The following MTUS2 variants were observed in gnomAD, a reference collection of about 807,000 sequenced individuals.
MTUS2 encodes the protein microtubule associated scaffold protein 2.
MTUS2 carries 40 observed loss-of-function variants against 114.1 expected under a neutral mutation model. The observed-to-expected ratio is 0.35, with a 90% confidence interval of 0.27 to 0.46. MTUS2 has a LOEUF of 0.46. MTUS2 is among the 20% of genes least tolerant of loss of function. The pLI, the probability that MTUS2 is intolerant of heterozygous loss-of-function variation, is 1.00. For synonymous variants in MTUS2, 688 were observed against 672.0 expected (o/e 1.02, Z -0.37); for missense variants, 1,679 against 1,705.4 (o/e 0.98, Z 0.27).
chr13:29,490,326 G>A (rs534157817), intron 11 of MTUS2, among the ~76,000 whole-genome samples: 16 of 152,214 alleles, frequency 1.1e-4, no homozygotes, highest in African/African-American at 2.9e-4. Context: ...TGCAGCACAC[G>A]CCACCCAGAA....
intron 5 of MTUS2, among the ~76,000 whole-genome samples, chr13:29,211,762 C>T (rs1190637376): frequency 9.3e-4 from 141 of 151,814 alleles, no homozygotes; most frequent in African/African-American, 3.3e-3. Context: ...GCAGTCGTTC[C>T]CCTTTCACAC....
intron 2 of MTUS2, among the ~76,000 whole-genome samples, chr13:28,945,495 T>C (rs1050872055): frequency 2.0e-5 from 3 of 152,222 alleles, no homozygotes; most frequent in Admixed American, 1.3e-4. Context: ...CAACATCTTG[T>C]TATTTTTTGA....
Position 29,403,236 on chromosome 13 carries a change from C to T in MTUS2, c.3118-36747C>T, listed in dbSNP as rs371447604. ...TAAGAACTGGCCACTACTTTTGGGT[C>T]CCTGTTCCATTACCACTCCTCTTGT... On this transcript the variant is annotated intron_variant, in intron 8 of 15. Coordinates refer to ENST00000612955, the MANE Select transcript of MTUS2 (RefSeq NM_001033602.4). Among the ~76,000 whole-genome samples, 25 of 152,276 alleles carry T rather than the reference C, an allele frequency of 1.6e-4. No individual in the cohort carries two copies. In the East Asian group the frequency reaches 3.7e-3, roughly 22 times the overall value.
At chr13:29,227,622 G>C (rs929293582) in intron 5 of MTUS2, among the ~76,000 whole-genome samples, 12 of 152,306 alleles carry the variant, frequency 7.9e-5, no homozygotes, top group African/African-American at 2.9e-4. Context: ...CTTTCCTTTT[G>C]TGGAAAACAA....
intron 2 of MTUS2, among the ~76,000 whole-genome samples, chr13:28,844,590 A>AGTGTGTGTGTGTGTGTGT (rs60819520): frequency 4.7e-5 from 7 of 148,098 alleles, no homozygotes; most frequent in Admixed American, 6.7e-5. Context: ...TTTGTGTGTG[A>AGTGTGTGTGTGTGTGTGT]GTGTGTGTGT....
At chr13:29,395,858 C>T (rs909300154) in intron 8 of MTUS2, among the ~76,000 whole-genome samples, 3 of 152,078 alleles carry the variant, frequency 2.0e-5, no homozygotes, top group Admixed American at 6.5e-5. Flanking sequence ...AGTCTTTTTA[C>T]GAAACTGGTA....
At chr13:29,250,546 G>A (rs1273107322) in intron 5 of MTUS2, 2 of 149,724 alleles carry the variant, frequency 1.3e-5, no homozygotes, top group African/African-American at 2.5e-5. Context: ...CACTCCGGAG[G>A]GAAATACTAC....
At chr13:29,331,919 A>AT (rs1900797458) in intron 7 of MTUS2, among the ~76,000 whole-genome samples, 2 of 152,180 alleles carry the variant, frequency 1.3e-5, no homozygotes, top group African/African-American at 4.8e-5. Flanking sequence ...CGAGTTGATC[A>AT]TGGTGGATAA....
intron 2 of MTUS2, among the ~76,000 whole-genome samples, chr13:28,901,631 C>T (rs764468342): frequency 6.6e-6 from 1 of 152,264 alleles, no homozygotes. Flanking sequence ...TGTCTTCCAT[C>T]GAATTGCTTT....
chr13:29,115,938 G>A (rs1891068671), intron 5 of MTUS2, among the ~76,000 whole-genome samples: 1 of 152,186 alleles, frequency 6.6e-6, no homozygotes, highest in Non-Finnish European at 1.5e-5. Context: ...TCTACTTAAG[G>A]GTGGTGGGGC....
intron 4 of MTUS2, among the ~76,000 whole-genome samples, chr13:29,069,194 A>G (rs1379999007): frequency 1.3e-5 from 2 of 152,192 alleles, no homozygotes; most frequent in Admixed American, 6.5e-5. Context: ...ATTGGCCTAT[A>G]TGGTTATGGA....
At chr13:29,101,780 A>G (rs1048090907) in intron 5 of MTUS2, among the ~76,000 whole-genome samples, 3 of 152,228 alleles carry the variant, frequency 2.0e-5, no homozygotes, top group African/African-American at 4.8e-5. Flanking sequence ...AAGGGGTTAT[A>G]GAAGTTGAAT....
intron 5 of MTUS2, among the ~76,000 whole-genome samples, chr13:29,259,256 G>A (rs1005789850): frequency 6.6e-6 from 1 of 152,214 alleles, no homozygotes. Context: ...GGTGACTGAA[G>A]TGTTTGCTTG....
chr13:29,021,741 A>G (rs1886299529), intron 2 of MTUS2, among the ~76,000 whole-genome samples: 1 of 152,220 alleles, frequency 6.6e-6, no homozygotes, highest in Admixed American at 6.5e-5. Flanking sequence ...ATTTGCCTAC[A>G]TGCTTTTTGT....
intron 5 of MTUS2, among the ~76,000 whole-genome samples, chr13:29,126,632 T>A (rs534504428): frequency 1.0e-5 from 1 of 99,388 alleles, no homozygotes; most frequent in Non-Finnish European, 2.4e-5. Flanking sequence ...TTTTTTGTGA[T>A]TTTTTTTTTT....
intron 2 of MTUS2, among the ~76,000 whole-genome samples, chr13:29,009,219 C>T (rs1885732978): frequency 6.6e-6 from 1 of 151,938 alleles, no homozygotes; most frequent in African/African-American, 2.4e-5. Flanking sequence ...AAAATATTTT[C>T]TCCTGTCTTT....
intron 1 of MTUS2, among the ~76,000 whole-genome samples, chr13:28,821,697 G>A (rs1474702448): frequency 1.3e-5 from 2 of 152,340 alleles, no homozygotes; most frequent in East Asian, 3.9e-4. Flanking sequence ...CTTTCCTGGT[G>A]ATTCTAACGT....
At chr13:29,442,866 T>A (rs989810356) in intron 9 of MTUS2, among the ~76,000 whole-genome samples, 14 of 152,202 alleles carry the variant, frequency 9.2e-5, no homozygotes, top group African/African-American at 3.4e-4. Flanking sequence ...GCTAGAACAA[T>A]GTGCAGTGTT....
chr13:29,289,968 G>A (rs1054514162), intron 6 of MTUS2, among the ~76,000 whole-genome samples: 2 of 152,128 alleles, frequency 1.3e-5, no homozygotes, highest in African/African-American at 2.4e-5. Context: ...CTCTGCCCAT[G>A]ATCAAATTTC....
Sources: allele counts gnomAD v4.1 joint callset (sites outside exome capture counted in the v4.1 genomes callset), GRCh38; gene constraint gnomAD v4.1.1; transcripts MANE v1.5; gene names NCBI Gene and HGNC (gene_info 2026-07-23, HGNC 2026-07-21).